Variants in TMCC1 observed in about 807,000 individuals in gnomAD.
The protein encoded by TMCC1 is transmembrane and coiled-coil domain family 1.
Under a neutral mutation model 52.4 loss-of-function variants are expected in TMCC1, and 15 were observed. That is an observed-to-expected ratio of 0.29 (90% CI 0.19 to 0.44). The LOEUF is 0.44. Among genes scored for constraint, TMCC1 ranks in the 20% least tolerant of loss-of-function variants. The pLI, the probability that TMCC1 is intolerant of heterozygous loss-of-function variation, is 1.00. For missense variants in TMCC1, 503 were observed against 806.0 expected (o/e 0.62, Z 4.55); for synonymous variants, 279 against 301.9 (o/e 0.92, Z 0.79).
At chr3:129,811,728 G>A (rs2057818248) in intron 4 of TMCC1, among the ~76,000 whole-genome samples, 1 of 152,040 alleles carries the variant, frequency 6.6e-6, no homozygotes, top group Non-Finnish European at 1.5e-5. Flanking sequence ...CAGATCACCT[G>A]AGGTCAGGGG....
At chr3:129,764,779 ATATATATATATTTTTTTTTTTTTT>A (rs1294102843) in intron 4 of TMCC1, among the ~76,000 whole-genome samples, 12 of 68,046 alleles carry the variant, frequency 1.8e-4, no homozygotes, top group African/African-American at 9.0e-4. Context: ...ATATATATAT[ATATATATATATTTTTTTTTTTTTT>A]TTTTTTTTTT....
At chr3:129,821,780 C>T (rs1438709872) in intron 4 of TMCC1, among the ~76,000 whole-genome samples, 2 of 152,120 alleles carry the variant, frequency 1.3e-5, no homozygotes, top group African/African-American at 2.4e-5. Context: ...TATAAGAGTC[C>T]GTGGCCACAT....
At chr3:129,787,433 G>A (rs2107739933) in intron 4 of TMCC1, among the ~76,000 whole-genome samples, 1 of 152,278 alleles carries the variant, frequency 6.6e-6, no homozygotes, top group South Asian at 2.1e-4. Context: ...GCTACCACAA[G>A]GGAAGTTGCA....
intron 4 of TMCC1, among the ~76,000 whole-genome samples, chr3:129,746,987 T>C (rs747103784): frequency 6.6e-6 from 1 of 152,222 alleles, no homozygotes; most frequent in African/African-American, 2.4e-5. Flanking sequence ...CTTTGTATCA[T>C]TGTTGGGAGA....
chr3:129,825,325 A>G (rs563134297), intron 4 of TMCC1, among the ~76,000 whole-genome samples: 1 of 152,336 alleles, frequency 6.6e-6, no homozygotes, highest in South Asian at 2.1e-4. Flanking sequence ...CAGGCATTAC[A>G]AAAATTTCCC....
chr3:129,796,827 C>G (rs1472130661), intron 4 of TMCC1, among the ~76,000 whole-genome samples: 1 of 152,100 alleles, frequency 6.6e-6, no homozygotes, highest in East Asian at 1.9e-4. Context: ...GAGACCTTAT[C>G]TCTAAAAATA....
At position 129,827,868 on chromosome 3, in the gene TMCC1, T is replaced by C; in HGVS notation, c.511A>G (p.Ile171Val). 1 of 1,614,100 alleles carries C rather than the reference T, an allele frequency of 6.2e-7. No homozygotes were observed. Among genetic ancestry groups the C allele is most frequent in the Non-Finnish European group, 8.5e-7 (1 of 1,179,996 alleles). ...DAPTSSAMME[I>V]ACAAAAAAAA... is the part of the protein sequence containing the mutation. ...GCAGCAGCAGCAGCAGCACAAGCTA[T>C]TTCCATCATAGCAGAGCTGGTAGGT... The change falls in exon 4 of 7, where the codon ATA becomes GTA. Residue 171 changes from isoleucine to valine, a missense_variant. Ile to Val is a conservative substitution (Grantham distance 29). Transcript: ENST00000393238.
chr3:129,682,984 C>T (rs556326929), intron 4 of TMCC1, among the ~76,000 whole-genome samples: 5 of 152,118 alleles, frequency 3.3e-5, no homozygotes, highest in South Asian at 4.1e-4. Context: ...TACAGGCATG[C>T]GCCACCATGC....
At chr3:129,794,186 A>T (rs921670133) in intron 4 of TMCC1, 2 of 383,400 alleles carry the variant, frequency 5.2e-6, no homozygotes, top group Non-Finnish European at 1.0e-5. Flanking sequence ...TAAAAGAACA[A>T]AAGGCAGTGC....
At chr3:129,705,695 T>C (rs971918962) in intron 4 of TMCC1, among the ~76,000 whole-genome samples, 6 of 147,758 alleles carry the variant, frequency 4.1e-5, no homozygotes, top group South Asian at 4.4e-4. Flanking sequence ...CTCCGCCTCC[T>C]GGGTTCACGC....
intron 4 of TMCC1, among the ~76,000 whole-genome samples, chr3:129,745,720 G>C (rs935742260): frequency 6.6e-6 from 1 of 152,008 alleles, no homozygotes; most frequent in Non-Finnish European, 1.5e-5. Flanking sequence ...CCAGCACTTT[G>C]GGAGGCCGAG....
At chr3:129,725,706 C>T (rs1413225010) in intron 4 of TMCC1, among the ~76,000 whole-genome samples, 1 of 151,618 alleles carries the variant, frequency 6.6e-6, no homozygotes, top group Non-Finnish European at 1.5e-5. Context: ...GTTATACTTA[C>T]ACTATCAAAG....
At chr3:129,677,445 A>T (rs1339992386) in intron 4 of TMCC1, among the ~76,000 whole-genome samples, 1 of 152,346 alleles carries the variant, frequency 6.6e-6, no homozygotes, top group East Asian at 1.9e-4. Flanking sequence ...ATTACTGAGA[A>T]TTAAAAAATA....
intron 1 of TMCC1, among the ~76,000 whole-genome samples, chr3:129,887,658 C>T (rs1221757603): frequency 1.3e-5 from 2 of 150,664 alleles, no homozygotes; most frequent in Non-Finnish European, 3.0e-5. Context: ...CACTCAAAAA[C>T]ACTTTTTAAA....
chr3:129,669,003 C>CA (rs1365315154), intron 5 of TMCC1, among the ~76,000 whole-genome samples: 2 of 152,210 alleles, frequency 1.3e-5, no homozygotes, highest in African/African-American at 4.8e-5. Flanking sequence ...TTCTCCCTCC[C>CA]ACACTCACTT....
chr3:129,806,466 A>C (rs2057471108), intron 4 of TMCC1, among the ~76,000 whole-genome samples: 1 of 152,176 alleles, frequency 6.6e-6, no homozygotes, highest in Admixed American at 6.5e-5. Context: ...GGTTTGAACA[A>C]TTTCTCAGGG....
intron 2 of TMCC1, among the ~76,000 whole-genome samples, chr3:129,853,493 G>A (rs529074141): frequency 1.0e-3 from 151 of 151,686 alleles, no homozygotes; most frequent in African/African-American, 3.4e-3. Flanking sequence ...GCCAGCCATG[G>A]TGGCACATAC....
At chr3:129,862,660 C>G (rs1378540687) in intron 2 of TMCC1, among the ~76,000 whole-genome samples, 1 of 152,178 alleles carries the variant, frequency 6.6e-6, no homozygotes, top group African/African-American at 2.4e-5. Flanking sequence ...TCCACAGGGT[C>G]ACACACAGCA....
intron 4 of TMCC1, among the ~76,000 whole-genome samples, chr3:129,690,173 C>T (rs964709045): frequency 3.0e-4 from 46 of 152,222 alleles, no homozygotes; most frequent in African/African-American, 1.1e-3. Context: ...TTTGTTATTT[C>T]AAATCAGTTG....
Sources: allele counts gnomAD v4.1 joint callset (sites outside exome capture counted in the v4.1 genomes callset), GRCh38; gene constraint gnomAD v4.1.1; transcripts MANE v1.5; gene names NCBI Gene and HGNC (gene_info 2026-07-23, HGNC 2026-07-21).